ASCC3: variants seen among roughly 807,000 people sequenced by gnomAD.
The protein encoded by ASCC3 is activating signal cointegrator 1 complex subunit 3.
ASCC3 carries 158 observed loss-of-function variants against 256.3 expected under a neutral mutation model. The ratio of observed to expected loss-of-function variants is 0.62; its 90% CI spans 0.54 to 0.70. The LOEUF (loss-of-function observed/expected upper bound fraction) is 0.70. Among genes scored for constraint, ASCC3 ranks in the 30% least tolerant of loss-of-function variants. The probability of loss-of-function intolerance (pLI) is 0.00; values close to 1 mark genes in which losing one functional copy is unlikely to be tolerated. For synonymous variants in ASCC3, 948 were observed against 883.4 expected (o/e 1.07, Z -1.30); for missense variants, 2,259 against 2,626.0 (o/e 0.86, Z 3.05).
intron 3 of ASCC3, among the ~76,000 whole-genome samples, chr6:100,851,147 C>T (rs1008493804): frequency 6.6e-6 from 1 of 152,084 alleles, no homozygotes; most frequent in African/African-American, 2.4e-5. Flanking sequence ...AGGGAAAGAT[C>T]AAACAGCTAT....
At chr6:100,821,028 G>GTTGTT (rs1411314451) in intron 4 of ASCC3, among the ~76,000 whole-genome samples, 1 of 152,140 alleles carries the variant, frequency 6.6e-6, no homozygotes, top group Non-Finnish European at 1.5e-5. Flanking sequence ...TATTGTTGTT[G>GTTGTT]TTGTTTTGTT....
chr6:100,525,847 A>G (rs994704575), intron 37 of ASCC3, among the ~76,000 whole-genome samples: 1 of 152,178 alleles, frequency 6.6e-6, no homozygotes, highest in African/African-American at 2.4e-5. Context: ...ACGGAAATTG[A>G]TCCTAGGCAG....
chr6:100,589,799 C>T (rs752285256), intron 35 of ASCC3, 31 bp from the exon 36 acceptor site: 74 of 1,612,480 alleles, frequency 4.6e-5, no homozygotes, highest in Admixed American at 1.0e-4. Context: ...ATGAAGAGTA[C>T]GATGAAAGTA....
At chr6:100,707,478 A>T (rs1326092858) in intron 13 of ASCC3, among the ~76,000 whole-genome samples, 1 of 151,946 alleles carries the variant, frequency 6.6e-6, no homozygotes, top group Non-Finnish European at 1.5e-5. Context: ...ACCAGTGATT[A>T]TTTTTTCCCC....
At chr6:100,640,660 T>C (rs1046221913) in intron 24 of ASCC3, among the ~76,000 whole-genome samples, 5 of 152,160 alleles carry the variant, frequency 3.3e-5, no homozygotes, top group Admixed American at 2.0e-4. Flanking sequence ...GTAGCACACT[T>C]GATGAAAGAA....
At chr6:100,544,351 T>C (rs1775603601) in intron 36 of ASCC3, among the ~76,000 whole-genome samples, 1 of 151,478 alleles carries the variant, frequency 6.6e-6, no homozygotes, top group African/African-American at 2.4e-5. Flanking sequence ...AGGAAACAAA[T>C]ACAATAGAGA....
intron 4 of ASCC3, among the ~76,000 whole-genome samples, chr6:100,816,308 T>A (rs1770743289): frequency 5.3e-5 from 8 of 152,112 alleles, no homozygotes; most frequent in Admixed American, 5.2e-4. Context: ...ACACTGCTGG[T>A]GGGACTGTAA....
At chr6:100,640,362 C>T (rs564484557) in intron 24 of ASCC3, among the ~76,000 whole-genome samples, 3 of 152,018 alleles carry the variant, frequency 2.0e-5, no homozygotes, top group Admixed American at 1.3e-4. Context: ...CAAAGAGACC[C>T]TGGAATCATT....
At chr6:100,543,608 G>T (rs755291257) in intron 36 of ASCC3, among the ~76,000 whole-genome samples, 2 of 151,872 alleles carry the variant, frequency 1.3e-5, no homozygotes, top group Non-Finnish European at 2.9e-5. Flanking sequence ...TATCATCATG[G>T]ATAAAGACGG....
At chr6:100,569,296 T>A (rs1166774659) in intron 36 of ASCC3, among the ~76,000 whole-genome samples, 1 of 152,144 alleles carries the variant, frequency 6.6e-6, no homozygotes, top group African/African-American at 2.4e-5. Flanking sequence ...GCTTTATTTC[T>A]GGTCTCTCTA....
intron 4 of ASCC3, among the ~76,000 whole-genome samples, chr6:100,832,724 A>G (rs1357362241): frequency 1.3e-5 from 2 of 152,134 alleles, no homozygotes; most frequent in Non-Finnish European, 2.9e-5. Context: ...TAGCTCCTAA[A>G]CCAGAAAGAG....
intron 13 of ASCC3, among the ~76,000 whole-genome samples, chr6:100,709,176 C>T (rs751428288): frequency 3.9e-5 from 6 of 152,220 alleles, no homozygotes; most frequent in African/African-American, 7.2e-5. Flanking sequence ...TATGGTCATA[C>T]GGCAAGACCA....
Position 100,512,915 on chromosome 6 carries a change from A to G in ASCC3, c.6079T>C (p.Trp2027Arg), listed in dbSNP as rs1156348710. The change falls in exon 40 of 42, where the codon TGG (tryptophan) becomes CGG (arginine). Residue 2027 changes from tryptophan (W) to arginine (R), a missense_variant. Trp to Arg is a moderately radical substitution (Grantham distance 101). This residue lies in a region of ASCC3 where 1,839 missense variants were observed against 2,206.7 expected (regional missense o/e 0.83). Transcript: ENST00000369162. ...ELHAAKTKQA[W>R]NFLSHLPVIN... Reference sequence around the variant, plus strand: ...ACTGGCAAGTGAGATAAGAAATTCCATGCCTAAATAAAAAGAGAAAAGAAA... The same window carrying G: ...ACTGGCAAGTGAGATAAGAAATTCCGTGCCTAAATAAAAAGAGAAAAGAAA... The G allele has an allele frequency of 1.2e-6, 2 of 1,613,090 alleles. No individual in the cohort carries two copies. Among genetic ancestry groups the G allele is most frequent in the Non-Finnish European group, 1.7e-6 (2 of 1,179,520 alleles).
chr6:100,766,564 C>T lies in ASCC3; in HGVS notation c.1737+1G>A, dbSNP rs1198941441. The T allele has an allele frequency of 6.2e-7, 1 of 1,613,892 alleles. No individual in the cohort carries two copies. The highest frequency in any genetic ancestry group is 1.1e-5 in the South Asian group (1 of 91,066). On this transcript the variant is annotated splice_donor_variant, in intron 10 of 41. Coordinates refer to ENST00000369162, the MANE Select transcript of ASCC3 (RefSeq NM_006828.4). LOFTEE classifies it high-confidence loss of function. ...ACAAAAAATCTAGGTAAACAACATA[C>T]CTGAGTTCGTAAAATTTCACTTTTG...
At chr6:100,563,552 C>A (rs1770065019) in intron 36 of ASCC3, among the ~76,000 whole-genome samples, 1 of 152,040 alleles carries the variant, frequency 6.6e-6, no homozygotes, top group Non-Finnish European at 1.5e-5. Context: ...ACTGTCCTGG[C>A]TGTGGTGGGG....
At chr6:100,720,880 T>C (rs1562248667) in intron 11 of ASCC3, among the ~76,000 whole-genome samples, 5 of 148,070 alleles carry the variant, frequency 3.4e-5, no homozygotes, top group Admixed American at 2.7e-4. Flanking sequence ...ATATATTGCA[T>C]ATAATACATA....
chr6:100,577,182 C>G (rs1291965640), intron 36 of ASCC3, among the ~76,000 whole-genome samples: 1 of 152,000 alleles, frequency 6.6e-6, no homozygotes, highest in Non-Finnish European at 1.5e-5. Flanking sequence ...ATGACAAGCA[C>G]AATTCCATTT....
chr6:100,724,923 A>G (rs906595896), intron 11 of ASCC3, among the ~76,000 whole-genome samples: 25 of 152,036 alleles, frequency 1.6e-4, no homozygotes, highest in East Asian at 1.9e-4. Flanking sequence ...ACAGTCTATG[A>G]ACGTCTACTG....
intron 4 of ASCC3, among the ~76,000 whole-genome samples, chr6:100,829,908 AAC>A (rs1362262750): frequency 6.6e-6 from 1 of 152,096 alleles, no homozygotes; most frequent in Non-Finnish European, 1.5e-5. Flanking sequence ...AGGGTTACTG[AAC>A]ACAGTCACTG....
Sources: gnomAD v4.1 joint callset for allele counts (sites outside exome capture counted in the v4.1 genomes callset) on GRCh38, gnomAD v4.1.1 for gene constraint, gnomAD v4.1.1 regional missense constraint, MANE v1.5 for transcripts, NCBI Gene and HGNC (gene_info 2026-07-23, HGNC 2026-07-21) for gene names.